NDST3: variants seen among roughly 807,000 people sequenced by gnomAD.
The protein encoded by NDST3 is bifunctional heparan sulfate N-deacetylase/N-sulfotransferase 3.
In NDST3, 58 loss-of-function variants were observed where a neutral mutation model predicts 96.1. That is an observed-to-expected ratio of 0.60 (90% CI 0.49 to 0.75). The LOEUF is 0.75. NDST3 is among the 30% of genes least tolerant of loss of function. The probability of loss-of-function intolerance (pLI) is 0.00; values close to 1 mark genes in which losing one functional copy is unlikely to be tolerated. For missense variants in NDST3, 788 were observed against 1,034.2 expected (o/e 0.76, Z 3.27); for synonymous variants, 333 against 359.7 (o/e 0.93, Z 0.84).
intron 6 of NDST3, among the ~76,000 whole-genome samples, chr4:118,163,678 C>G (rs1296231223): frequency 6.6e-6 from 1 of 151,856 alleles, no homozygotes. Context: ...GTGCAGCACA[C>G]CAGCATGGCA....
chr4:118,084,017 T>C (rs1424136163), intron 2 of NDST3, among the ~76,000 whole-genome samples: 2 of 152,184 alleles, frequency 1.3e-5, no homozygotes, highest in Non-Finnish European at 2.9e-5. Context: ...TGCCTCCACC[T>C]GTATTCTTCT....
intron 6 of NDST3, among the ~76,000 whole-genome samples, chr4:118,171,861 T>A (rs773235055): frequency 6.6e-6 from 1 of 152,134 alleles, no homozygotes; most frequent in Non-Finnish European, 1.5e-5. Flanking sequence ...TGTTGGTAAA[T>A]GTAGCGTGTC....
intron 4 of NDST3, among the ~76,000 whole-genome samples, chr4:118,124,731 C>A (rs559355635): frequency 2.0e-4 from 30 of 152,212 alleles, no homozygotes; most frequent in Middle Eastern, 3.4e-3. Context: ...AAACACCATA[C>A]ACTCATCTCT....
At chr4:118,130,597 ACAC>A (rs1356451757) in intron 4 of NDST3, among the ~76,000 whole-genome samples, 3 of 152,120 alleles carry the variant, frequency 2.0e-5, no homozygotes, top group African/African-American at 7.2e-5. Context: ...AGAAGTTTAC[ACAC>A]CACCATTACA....
chr4:118,106,536 C>T (rs1440502654), intron 3 of NDST3, among the ~76,000 whole-genome samples: 1 of 151,678 alleles, frequency 6.6e-6, no homozygotes, highest in African/African-American at 2.4e-5. Context: ...GAAGGGGTCT[C>T]ACTATGTTGC....
At chr4:118,081,345 T>C (rs1279546422) in intron 2 of NDST3, among the ~76,000 whole-genome samples, 1 of 152,182 alleles carries the variant, frequency 6.6e-6, no homozygotes, top group Non-Finnish European at 1.5e-5. Context: ...GCTCAGGACA[T>C]AGCTCACAAT....
chr4:118,227,247 A>C (rs1739953937), intron 8 of NDST3, among the ~76,000 whole-genome samples: 1 of 150,410 alleles, frequency 6.6e-6, no homozygotes, highest in Non-Finnish European at 1.5e-5. Flanking sequence ...TTCCCCCCCA[A>C]ATGTTTTAAT....
At chr4:118,108,335 A>G (rs893341214) in intron 3 of NDST3, among the ~76,000 whole-genome samples, 1 of 152,242 alleles carries the variant, frequency 6.6e-6, no homozygotes, top group African/African-American at 2.4e-5. Context: ...TTTGCATTTT[A>G]TAACATATAT....
chr4:118,034,172 A>G (rs1724021868), upstream of NDST3, among the ~76,000 whole-genome samples: 1 of 152,192 alleles, frequency 6.6e-6, no homozygotes, highest in African/African-American at 2.4e-5. Context: ...AAAGTTTTTC[A>G]TGGTGTGGTT....
At chr4:118,247,555 A>T (rs147557135) in intron 12 of NDST3, among the ~76,000 whole-genome samples, 1 of 151,094 alleles carries the variant, frequency 6.6e-6, no homozygotes, top group Non-Finnish European at 1.5e-5. Context: ...TCTGTCTAAA[A>T]AAAAAGAAAG....
chr4:118,135,200 C>A (rs1357411759), intron 4 of NDST3, among the ~76,000 whole-genome samples: 1 of 152,140 alleles, frequency 6.6e-6, no homozygotes, highest in Non-Finnish European at 1.5e-5. Flanking sequence ...GAATGACTCA[C>A]AAGCTGGAAC....
At chr4:118,139,153 CTG>C (rs1733363648) in intron 5 of NDST3, among the ~76,000 whole-genome samples, 1 of 152,166 alleles carries the variant, frequency 6.6e-6, no homozygotes, top group Admixed American at 6.5e-5. Flanking sequence ...TCAATAAAAA[CTG>C]TTGTAAATGC....
At chr4:118,034,176 T>C (rs1447816168), upstream of NDST3, among the ~76,000 whole-genome samples, 1 of 152,220 alleles carries the variant, frequency 6.6e-6, no homozygotes, top group African/African-American at 2.4e-5. Context: ...TTTTTCATGG[T>C]GTGGTTATTT....
intron 6 of NDST3, among the ~76,000 whole-genome samples, chr4:118,201,023 G>A (rs755273469): frequency 5.3e-5 from 8 of 152,142 alleles, no homozygotes; most frequent in Non-Finnish European, 1.0e-4. Context: ...CAATTAGAAG[G>A]AAGAACATGC....
intron 12 of NDST3, among the ~76,000 whole-genome samples, chr4:118,250,443 A>G (rs1018243162): frequency 3.3e-5 from 5 of 150,736 alleles, no homozygotes; most frequent in Admixed American, 3.3e-4. Context: ...TCATTTGTTC[A>G]TTGACCATTC....
At chr4:118,134,511 G>T (rs1732912557) in intron 4 of NDST3, among the ~76,000 whole-genome samples, 1 of 152,184 alleles carries the variant, frequency 6.6e-6, no homozygotes. Context: ...TGATAGAATT[G>T]AAGAAAAGTA....
In NDST3 at chr4:118,135,109, C is replaced by G. The variant is rs180720023; in HGVS notation, c.1225-2945C>G. On this transcript the variant is annotated intron_variant, in intron 4 of 13. Coordinates refer to ENST00000296499, the MANE Select transcript of NDST3 (RefSeq NM_004784.3). Reference sequence around the variant, plus strand: ...TATACAATAACGTTTCAGGTGTTCTCTCTGGTGATGAATGCAAATTTGGGA... The same window carrying G: ...TATACAATAACGTTTCAGGTGTTCTGTCTGGTGATGAATGCAAATTTGGGA... 3.9e-5 allele frequency among the ~76,000 whole-genome samples: 6 copies of G among 152,288 alleles called. No homozygotes were observed. In the East Asian group the frequency reaches 1.2e-3, roughly 29 times the overall value.
At chr4:118,037,799 C>G (rs1724231974) in intron 1 of NDST3, among the ~76,000 whole-genome samples, 1 of 152,180 alleles carries the variant, frequency 6.6e-6, no homozygotes, top group South Asian at 2.1e-4. Flanking sequence ...TTGAGTCTCA[C>G]TTGTTCTAAA....
At chr4:118,159,895 G>A (rs1407704592) in intron 6 of NDST3, among the ~76,000 whole-genome samples, 3 of 152,116 alleles carry the variant, frequency 2.0e-5, no homozygotes, top group African/African-American at 7.2e-5. Flanking sequence ...AAAATAAACA[G>A]TGAAGAAAGT....
Sources: gnomAD v4.1 joint callset for allele counts (sites outside exome capture counted in the v4.1 genomes callset) on GRCh38, gnomAD v4.1.1 for gene constraint, MANE v1.5 for transcripts, NCBI Gene and HGNC (gene_info 2026-07-23, HGNC 2026-07-21) for gene names.